The following RALYL variants were observed in gnomAD, a reference collection of about 807,000 sequenced individuals.
The protein encoded by RALYL is RNA-binding Raly-like protein.
Under a neutral mutation model 35.1 loss-of-function variants are expected in RALYL, and 29 were observed. The ratio of observed to expected loss-of-function variants is 0.83; its 90% CI spans 0.61 to 1.13. RALYL has a LOEUF of 1.13. Among genes scored for constraint, RALYL ranks in the 50% most tolerant of loss-of-function variants. The probability of loss-of-function intolerance (pLI) is 0.00; values close to 1 mark genes in which losing one functional copy is unlikely to be tolerated. For synonymous variants in RALYL, 120 were observed against 127.6 expected, an observed-to-expected ratio of 0.94 and a Z score of 0.40; for missense variants, 359 against 360.4, an observed-to-expected ratio of 1.00 and a Z score of 0.03.
At chr8:84,762,033 A>T (rs1194433154) in intron 2 of RALYL, among the ~76,000 whole-genome samples, 2 of 152,060 alleles carry the variant, frequency 1.3e-5, no homozygotes, top group East Asian at 3.9e-4. Context: ...GGGGAGACGA[A>T]ACTGCTACAG....
At chr8:84,847,272 G>C (rs1834862689) in intron 4 of RALYL, among the ~76,000 whole-genome samples, 1 of 152,162 alleles carries the variant, frequency 6.6e-6, no homozygotes, top group Non-Finnish European at 1.5e-5. Flanking sequence ...AGAGGTCTGT[G>C]GCGAAAGTGG....
chr8:84,191,387 A>G (rs979989721), intron 1 of RALYL, among the ~76,000 whole-genome samples: 2 of 152,150 alleles, frequency 1.3e-5, no homozygotes, highest in African/African-American at 2.4e-5. Context: ...AAATAAATAT[A>G]TTTACTAGCT....
In RALYL at chr8:84,774,799, T is replaced by C. The variant is rs976321689; in HGVS notation, c.332+145T>C. On this transcript the variant is annotated intron_variant, in intron 3 of 8. Transcript: ENST00000521268. ...ACAACAAATGTTGTTGGTCAACATA[T>C]AAATATATCTTGCTGCATTGGCAAG... 4.9e-5 allele frequency: 31 copies of C among 632,838 alleles called. No homozygotes were observed. In the Admixed American group the frequency reaches 8.5e-4, roughly 17 times the overall value. The allele number at this position is 632,838 out of a possible 1,614,324, so 39.2% of individuals were successfully genotyped here.
At chr8:84,479,865 A>G (rs889519157) in intron 1 of RALYL, among the ~76,000 whole-genome samples, 2 of 152,222 alleles carry the variant, frequency 1.3e-5, no homozygotes, top group Non-Finnish European at 2.9e-5. Flanking sequence ...ATTTAGAAAC[A>G]TTAATGACTT....
intron 3 of RALYL, among the ~76,000 whole-genome samples, chr8:84,791,204 C>T (rs897204769): frequency 1.3e-4 from 20 of 152,132 alleles, no homozygotes; most frequent in African/African-American, 4.8e-4. Flanking sequence ...CAGCTGAGAA[C>T]ATGACATTTG....
At chr8:84,336,346 T>C (rs1051436597) in intron 1 of RALYL, among the ~76,000 whole-genome samples, 4 of 152,154 alleles carry the variant, frequency 2.6e-5, no homozygotes, top group African/African-American at 7.2e-5. Context: ...ACCCAGGCTT[T>C]TTTATTTTAC....
At chr8:84,425,158 A>G (rs1251794480) in intron 1 of RALYL, among the ~76,000 whole-genome samples, 19 of 152,060 alleles carry the variant, frequency 1.2e-4, no homozygotes, top group South Asian at 4.2e-4. Flanking sequence ...CCTCGCTGCT[A>G]CCTTGCAGTT....
intron 2 of RALYL, among the ~76,000 whole-genome samples, chr8:84,691,473 T>A (rs1838038569): frequency 6.6e-6 from 1 of 152,062 alleles, no homozygotes; most frequent in East Asian, 1.9e-4. Flanking sequence ...GTAGTTGAAA[T>A]GACAGTGAAT....
At chr8:84,761,796 C>T (rs370395308) in intron 2 of RALYL, among the ~76,000 whole-genome samples, 2 of 152,088 alleles carry the variant, frequency 1.3e-5, no homozygotes, top group Non-Finnish European at 2.9e-5. Context: ...GGAGGGGGTC[C>T]AGTAATATAC....
intron 1 of RALYL, among the ~76,000 whole-genome samples, chr8:84,309,228 A>G (rs1842330768): frequency 6.6e-6 from 1 of 151,354 alleles, no homozygotes; most frequent in Non-Finnish European, 1.5e-5. Flanking sequence ...AATTAGGTGC[A>G]TTAATGTTGT....
chr8:84,314,525 T>A (rs1158742044), intron 1 of RALYL, among the ~76,000 whole-genome samples: 1 of 152,020 alleles, frequency 6.6e-6, no homozygotes, highest in East Asian at 1.9e-4. Flanking sequence ...TCAATAAATA[T>A]ATGTGAAACC....
intron 1 of RALYL, among the ~76,000 whole-genome samples, chr8:84,306,588 G>A (rs1010404148): frequency 9.9e-5 from 15 of 152,112 alleles, no homozygotes; most frequent in Non-Finnish European, 2.1e-4. Flanking sequence ...TCAGGGGACA[G>A]CCTACAACCA....
At chr8:84,321,825 A>G (rs1199912026) in intron 1 of RALYL, among the ~76,000 whole-genome samples, 1 of 152,164 alleles carries the variant, frequency 6.6e-6, no homozygotes, top group Non-Finnish European at 1.5e-5. Context: ...GACTTAAAGT[A>G]AAGAAATGGT....
chr8:84,470,800 A>G (rs1167898477), intron 1 of RALYL, among the ~76,000 whole-genome samples: 3 of 152,144 alleles, frequency 2.0e-5, no homozygotes, highest in Non-Finnish European at 4.4e-5. Flanking sequence ...CAAATTCTCT[A>G]CTCATAGTAT....
At chr8:84,604,616 A>G (rs1816711983) in intron 2 of RALYL, among the ~76,000 whole-genome samples, 1 of 152,162 alleles carries the variant, frequency 6.6e-6, no homozygotes, top group Non-Finnish European at 1.5e-5. Flanking sequence ...AATACAGGAA[A>G]GCTTGCCACA....
At chr8:84,832,555 C>A (rs1404151988) in intron 4 of RALYL, among the ~76,000 whole-genome samples, 1 of 152,060 alleles carries the variant, frequency 6.6e-6, no homozygotes, top group Non-Finnish European at 1.5e-5. Flanking sequence ...GACTTCGCAT[C>A]AGTTTGGTTG....
intron 2 of RALYL, among the ~76,000 whole-genome samples, chr8:84,631,978 A>AC (rs1824006418): frequency 6.6e-6 from 1 of 151,692 alleles, no homozygotes; most frequent in Non-Finnish European, 1.5e-5. Flanking sequence ...GCTTGTTTCC[A>AC]CCCCACCCCC....
intron 1 of RALYL, among the ~76,000 whole-genome samples, chr8:84,388,830 G>T (rs1433567148): frequency 6.6e-6 from 1 of 152,060 alleles, no homozygotes; most frequent in East Asian, 1.9e-4. Context: ...TTGCTGTGCA[G>T]AAGCTCTTTA....
At chr8:84,630,978 G>A (rs1823792758) in intron 2 of RALYL, among the ~76,000 whole-genome samples, 2 of 151,986 alleles carry the variant, frequency 1.3e-5, no homozygotes, top group Admixed American at 1.3e-4. Context: ...TGCATTGCAT[G>A]AACAACAGAC....
Sources: allele counts gnomAD v4.1 joint callset (sites outside exome capture counted in the v4.1 genomes callset), GRCh38; gene constraint gnomAD v4.1.1; transcripts MANE v1.5; gene names NCBI Gene and HGNC (gene_info 2026-07-23, HGNC 2026-07-21).